Variants in KLHL13 observed in about 807,000 individuals in gnomAD.
KLHL13 encodes the protein kelch like family member 13.
KLHL13 carries 10 observed loss-of-function variants against 37.1 expected under a neutral mutation model. The ratio of observed to expected loss-of-function variants is 0.27; its 90% CI spans 0.17 to 0.46. The LOEUF is 0.46. Ranked by LOEUF, KLHL13 falls within the 20% of genes least tolerant of loss-of-function variation. The probability of loss-of-function intolerance (pLI) is 1.00; values close to 1 mark genes in which losing one functional copy is unlikely to be tolerated. For missense variants in KLHL13, 360 were observed against 509.3 expected (o/e 0.71, Z 2.82); for synonymous variants, 163 against 181.2 (o/e 0.90, Z 0.81).
intron 1 of KLHL13, among the ~76,000 whole-genome samples, chrX:118,053,796 T>TGAGA: frequency 1.9e-5 from 1 of 53,863 alleles, no homozygotes; most frequent in East Asian, 6.2e-4. Context: ...TGTGTGTGTG[T>TGAGA]GTGAGAGAGA....
chrX:118,074,193 T>C (rs767371006), intron 1 of KLHL13, among the ~76,000 whole-genome samples: 1 of 111,937 alleles, frequency 8.9e-6, no homozygotes, highest in South Asian at 3.7e-4. Flanking sequence ...ACTATGACCT[T>C]AGCAGAAATG....
chrX:117,920,487 C>G, intron 2 of KLHL13, 117 bp from the exon 4 acceptor site: 1 of 737,974 alleles, frequency 1.4e-6, no homozygotes, highest in Non-Finnish European at 2.0e-6. Context: ...ATAAAGCCAA[C>G]AGAATATTCG....
At chrX:118,036,440 A>G (rs187177774) in intron 1 of KLHL13, among the ~76,000 whole-genome samples, 9,033 of 111,134 alleles carry the variant, frequency 0.081, 345 homozygotes, top group Middle Eastern at 0.14. Context: ...ACAACGCCGC[A>G]TATCTACAAC....
intron 1 of KLHL13, among the ~76,000 whole-genome samples, chrX:117,997,285 T>C (rs1265043334): frequency 1.8e-5 from 2 of 111,391 alleles, no homozygotes; most frequent in Non-Finnish European, 3.8e-5. Flanking sequence ...ACAAAACGTT[T>C]CCCTTTTTAA....
At chrX:117,974,138 A>T (rs990154923), upstream of KLHL13, among the ~76,000 whole-genome samples, 3 of 111,571 alleles carry the variant, frequency 2.7e-5, no homozygotes, top group Non-Finnish European at 5.6e-5. Context: ...AAACAAACTC[A>T]CAAATTTTCT....
intron 1 of KLHL13, among the ~76,000 whole-genome samples, chrX:117,987,707 A>C (rs2053744214): frequency 8.9e-6 from 1 of 112,371 alleles, no homozygotes; most frequent in Non-Finnish European, 1.9e-5. Context: ...GTTTTATGTT[A>C]AAATGGATTA....
At chrX:118,116,813 G>C (rs965458036), upstream of KLHL13, 2 of 103,298 alleles carry the variant, frequency 1.9e-5, no homozygotes, top group Non-Finnish European at 4.0e-5. Flanking sequence ...CAGGGTGTGG[G>C]GGGGCTGCTG....
chrX:117,927,059 C>CCAT (rs1932099015), intron 2 of KLHL13, among the ~76,000 whole-genome samples: 1 of 108,261 alleles, frequency 9.2e-6, no homozygotes, highest in Admixed American at 9.8e-5. Context: ...GCGCATGCCG[C>CCAT]CACGCCCGGC....
At chrX:117,961,103 T>C (rs945364661) in intron 1 of KLHL13, among the ~76,000 whole-genome samples, 3 of 111,870 alleles carry the variant, frequency 2.7e-5, no homozygotes, top group Non-Finnish European at 5.6e-5. Context: ...ATCAAAACAA[T>C]TGTGCCTATT....
At chrX:118,070,912 C>T (rs760154746) in intron 1 of KLHL13, among the ~76,000 whole-genome samples, 60 of 107,985 alleles carry the variant, frequency 5.6e-4, no homozygotes, top group African/African-American at 2.0e-3. Context: ...CCCCCTTCCC[C>T]CACCCCACAA....
chrX:118,111,302 T>C (rs555268530), intron 1 of KLHL13, among the ~76,000 whole-genome samples: 1 of 113,007 alleles, frequency 8.8e-6, no homozygotes, highest in East Asian at 2.8e-4. Context: ...AGTAATTCTA[T>C]AGCAAAACAA....
intron 1 of KLHL13, among the ~76,000 whole-genome samples, chrX:118,003,514 G>A (rs969604587): frequency 9.0e-5 from 9 of 100,233 alleles, no homozygotes; most frequent in South Asian, 3.8e-4. Flanking sequence ...CCATAATTAC[G>A]TGAAAATCAT....
At chrX:118,070,195 T>C (rs1350294047) in intron 1 of KLHL13, among the ~76,000 whole-genome samples, 1 of 112,143 alleles carries the variant, frequency 8.9e-6, no homozygotes, top group Non-Finnish European at 1.9e-5. Flanking sequence ...AAGGATGCAT[T>C]TCTCAGAATG....
chrX:117,899,850 T>C (rs1222881128), intron 6 of KLHL13, among the ~76,000 whole-genome samples: 1 of 112,007 alleles, frequency 8.9e-6, no homozygotes, highest in Non-Finnish European at 1.9e-5. Flanking sequence ...CAAAACAATA[T>C]CTACTCTAGT....
chrX:117,911,969 T>C (rs1022765055), intron 4 of KLHL13, among the ~76,000 whole-genome samples: 2 of 112,025 alleles, frequency 1.8e-5, no homozygotes, highest in African/African-American at 6.5e-5. Flanking sequence ...TCTCTAGAAA[T>C]AGACAGCATA....
chrX:118,097,281 T>G (rs911288017), intron 1 of KLHL13, among the ~76,000 whole-genome samples: 2 of 109,385 alleles, frequency 1.8e-5, no homozygotes, highest in African/African-American at 3.5e-5. Context: ...CTTATACACC[T>G]ATAACAGACA....
chrX:118,031,000 C>A lies in KLHL13; in HGVS notation c.-55-85425G>T, dbSNP rs562473375. Reference sequence around the variant, plus strand: ...TCTGGGATATTCTTATTCAGATTCTCCAGAAAATAAACTATTTGGTCTCCT... The same window carrying A: ...TCTGGGATATTCTTATTCAGATTCTACAGAAAATAAACTATTTGGTCTCCT... On this transcript the variant is annotated intron_variant, in intron 1 of 6. Transcript: ENST00000371882. 2.2e-4 allele frequency among the ~76,000 whole-genome samples: 25 copies of A among 111,471 alleles called. No homozygotes were observed. In the South Asian group the frequency reaches 9.1e-3, roughly 41 times the overall value.
chrX:117,970,502 G>C (rs1394347290), intron 1 of KLHL13, among the ~76,000 whole-genome samples: 2 of 111,537 alleles, frequency 1.8e-5, no homozygotes, highest in Non-Finnish European at 3.8e-5. Flanking sequence ...CCAAACAATT[G>C]TGAGAACAAA....
rs1215095245 is a variant in KLHL13 at position 117,997,890 on chromosome X, TAGAAG to T, written c.-55-52320_-55-52316del. 1.2e-3 allele frequency among the ~76,000 whole-genome samples: 137 copies of T among 112,131 alleles called. 13 individuals are homozygous for T. The highest frequency in any genetic ancestry group is 3.7e-4 in the South Asian group (1 of 2,679). On this transcript the variant is annotated intron_variant, in intron 1 of 6. Coordinates refer to the KLHL13 transcript ENST00000371882. ...AAACATAATTGAACATTTGAAAACATAGAAGAGAAAACTATTTAATAAACACAAGT... is the reference window on the plus strand; with the variant it reads ...AAACATAATTGAACATTTGAAAACATAGAAAACTATTTAATAAACACAAGT...
Sources: allele counts gnomAD v4.1 joint callset (sites outside exome capture counted in the v4.1 genomes callset), GRCh38; gene constraint gnomAD v4.1.1; transcripts MANE v1.5; gene names NCBI Gene and HGNC (gene_info 2026-07-23, HGNC 2026-07-21).